Variants in UNC5C observed in about 807,000 individuals in gnomAD.
UNC5C encodes netrin receptor UNC5C.
A neutral mutation model predicts 99.8 loss-of-function variants in UNC5C; 47 were observed. The ratio of observed to expected loss-of-function variants is 0.47; its 90% CI spans 0.37 to 0.60. The LOEUF (loss-of-function observed/expected upper bound fraction) is 0.60. Ranked by LOEUF, UNC5C falls within the 20% of genes least tolerant of loss-of-function variation. The pLI is 0.00. For missense variants in UNC5C, 1,062 were observed against 1,165.9 expected (o/e 0.91, Z 1.30); for synonymous variants, 487 against 452.2 (o/e 1.08, Z -0.98).
chr4:95,362,997 T>C (rs1744442543), intron 1 of UNC5C, among the ~76,000 whole-genome samples: 1 of 151,884 alleles, frequency 6.6e-6, no homozygotes, highest in Non-Finnish European at 1.5e-5. Flanking sequence ...GCGCCGTTCA[T>C]ATTGTAGTTT....
At chr4:95,406,298 C>T (rs2149450143) in intron 1 of UNC5C, among the ~76,000 whole-genome samples, 2 of 152,212 alleles carry the variant, frequency 1.3e-5, no homozygotes, top group East Asian at 3.9e-4. Flanking sequence ...AGCAGTGCTT[C>T]ATCTGCACTA....
intron 7 of UNC5C, among the ~76,000 whole-genome samples, chr4:95,234,713 C>A (rs1739045820): frequency 6.6e-6 from 1 of 152,094 alleles, no homozygotes; most frequent in Non-Finnish European, 1.5e-5. Flanking sequence ...TTGAAGGCAC[C>A]AAGGCATTGA....
At chr4:95,369,795 G>C (rs1744691319) in intron 1 of UNC5C, among the ~76,000 whole-genome samples, 1 of 152,094 alleles carries the variant, frequency 6.6e-6, no homozygotes. Context: ...GACTACAGCG[G>C]TAGGTAAAAT....
chr4:95,218,888 C>T, intron 9 of UNC5C, 81 bp downstream of exon 9: 1 of 1,382,674 alleles, frequency 7.2e-7, no homozygotes, highest in Non-Finnish European at 9.7e-7. Flanking sequence ...CTAATGAAAA[C>T]ATCCCACGAA....
chr4:95,404,902 G>C (rs1745793571), intron 1 of UNC5C, among the ~76,000 whole-genome samples: 1 of 152,174 alleles, frequency 6.6e-6, no homozygotes, highest in Admixed American at 6.5e-5. Flanking sequence ...TGAACGCCGA[G>C]AGGAGTCTGG....
intron 1 of UNC5C, among the ~76,000 whole-genome samples, chr4:95,479,801 T>C (rs953069190): frequency 6.6e-6 from 1 of 151,972 alleles, no homozygotes; most frequent in Non-Finnish European, 1.5e-5. Flanking sequence ...GATATTTCAT[T>C]AAATGTTATT....
chr4:95,340,701 C>A (rs1743536689), intron 1 of UNC5C, among the ~76,000 whole-genome samples: 2 of 151,992 alleles, frequency 1.3e-5, no homozygotes, highest in African/African-American at 4.8e-5. Context: ...CCAAATCATG[C>A]CCATACATTA....
intron 1 of UNC5C, among the ~76,000 whole-genome samples, chr4:95,448,248 G>GAGAC (rs1747177836): frequency 6.6e-6 from 1 of 151,106 alleles, no homozygotes. Flanking sequence ...GAGAGAGAGA[G>GAGAC]AGAGAGAGAG....
chr4:95,284,110 T>C (rs548141905), intron 3 of UNC5C, among the ~76,000 whole-genome samples: 1 of 152,116 alleles, frequency 6.6e-6, no homozygotes, highest in South Asian at 2.1e-4. Context: ...GGTAGAATTT[T>C]GATGCTTTCA....
intron 7 of UNC5C, 92 bp from the exon 8 acceptor site, chr4:95,220,268 G>C: frequency 8.4e-7 from 1 of 1,188,730 alleles, no homozygotes; most frequent in Non-Finnish European, 1.1e-6. Context: ...GACATTTACT[G>C]CCTTTTTTAT....
rs1740221047 is a variant in UNC5C at position 95,261,389 on chromosome 4, C to T, written c.595-10722G>A. 2.0e-5 allele frequency among the ~76,000 whole-genome samples: 3 copies of T among 152,186 alleles called. No homozygotes were observed. The South Asian group carries it at 6.2e-4, about 32-fold the overall frequency. On this transcript the variant is annotated intron_variant, in intron 4 of 15. Coordinates refer to ENST00000453304, the MANE Select transcript of UNC5C (RefSeq NM_003728.4). ...GGGGCATCAGGAAAGCCTCCTTACC[C>T]TCCAAAATTGCTCCCCCAAATTTTT... is the stretch of plus-strand genomic sequence containing the variant.
intron 3 of UNC5C, among the ~76,000 whole-genome samples, chr4:95,280,925 A>G (rs1741034560): frequency 6.6e-6 from 1 of 152,126 alleles, no homozygotes; most frequent in Non-Finnish European, 1.5e-5. Context: ...GTACTCTTCC[A>G]ATGGAAACAT....
chr4:95,360,024 T>C (rs1334267126), intron 1 of UNC5C, among the ~76,000 whole-genome samples: 1 of 152,090 alleles, frequency 6.6e-6, no homozygotes, highest in Non-Finnish European at 1.5e-5. Flanking sequence ...CATTCCCTTT[T>C]TGCTTGACAA....
chr4:95,305,389 T>G (rs1041942498), intron 2 of UNC5C, among the ~76,000 whole-genome samples: 5 of 152,154 alleles, frequency 3.3e-5, no homozygotes, highest in Admixed American at 2.0e-4. Context: ...TAAAAGTAGA[T>G]AATATTTTTT....
chr4:95,266,833 T>C (rs1350187604), intron 4 of UNC5C, among the ~76,000 whole-genome samples: 1 of 152,222 alleles, frequency 6.6e-6, no homozygotes, highest in Non-Finnish European at 1.5e-5. Context: ...GAAATATGGA[T>C]TAAATTTTCC....
intron 2 of UNC5C, among the ~76,000 whole-genome samples, chr4:95,304,051 A>G (rs879370886): frequency 2.0e-5 from 3 of 152,176 alleles, no homozygotes; most frequent in Non-Finnish European, 2.9e-5. Context: ...CACTGGGGGA[A>G]CAAACAATAT....
At chr4:95,332,578 G>C (rs1402106302) in intron 2 of UNC5C, among the ~76,000 whole-genome samples, 1 of 151,766 alleles carries the variant, frequency 6.6e-6, no homozygotes, top group East Asian at 1.9e-4. Flanking sequence ...ATTCAAGATG[G>C]ATTAAAGACT....
chr4:95,393,816 T>C lies in UNC5C; in HGVS notation c.125-58185A>G, dbSNP rs1390632371. ...TACAGAGTTGCTTTCTTTAGAAATA[T>C]AGAATCCAAATAGTAATTCTTATAC... On this transcript the variant is annotated intron_variant, in intron 1 of 15. Transcript: ENST00000453304. Among the ~76,000 whole-genome samples, 4 of 151,654 alleles carry C rather than the reference T, an allele frequency of 2.6e-5. No individual in the cohort carries two copies. The East Asian group carries it at 5.8e-4, about 22-fold the overall frequency.
intron 1 of UNC5C, among the ~76,000 whole-genome samples, chr4:95,388,502 A>G (rs1209288258): frequency 1.3e-5 from 2 of 152,194 alleles, no homozygotes; most frequent in Non-Finnish European, 2.9e-5. Context: ...GGATGAGGCC[A>G]CTGGTATGCC....
Sources: allele counts gnomAD v4.1 joint callset (sites outside exome capture counted in the v4.1 genomes callset), GRCh38; gene constraint gnomAD v4.1.1; transcripts MANE v1.5; gene names NCBI Gene and HGNC (gene_info 2026-07-23, HGNC 2026-07-21).